IGSF11: variants seen among roughly 807,000 people sequenced by gnomAD.
IGSF11 encodes the protein CXADR like 1.
Under a neutral mutation model 41.0 loss-of-function variants are expected in IGSF11, and 22 were observed. That is an observed-to-expected ratio of 0.54 (90% CI 0.38 to 0.77). IGSF11 has a LOEUF of 0.77. IGSF11 is among the 30% of genes least tolerant of loss of function. The pLI, the probability that IGSF11 is intolerant of heterozygous loss-of-function variation, is 0.00. For synonymous variants in IGSF11, 219 were observed against 201.3 expected (o/e 1.09, Z -0.74); for missense variants, 444 against 530.8 (o/e 0.84, Z 1.61).
chr3:118,990,292 T>C (rs894147601), intron 1 of IGSF11, among the ~76,000 whole-genome samples: 1 of 152,194 alleles, frequency 6.6e-6, no homozygotes, highest in Non-Finnish European at 1.5e-5. Context: ...TGAAATAACC[T>C]AGATGTGAAG....
intron 1 of IGSF11, among the ~76,000 whole-genome samples, chr3:118,960,822 C>T (rs995602089): frequency 2.6e-5 from 4 of 152,142 alleles, no homozygotes; most frequent in African/African-American, 9.7e-5. Context: ...AAACATTCAA[C>T]TGTATAAAGA....
chr3:119,031,930 GAA>G (rs1224419370), intron 1 of IGSF11, among the ~76,000 whole-genome samples: 1 of 152,036 alleles, frequency 6.6e-6, no homozygotes, highest in Non-Finnish European at 1.5e-5. Flanking sequence ...CTCAAATTCT[GAA>G]AAGTTATCTG....
intron 1 of IGSF11, among the ~76,000 whole-genome samples, chr3:118,941,408 T>G (rs1576432149): frequency 6.6e-6 from 1 of 152,116 alleles, no homozygotes; most frequent in Non-Finnish European, 1.5e-5. Flanking sequence ...ACAGGGAACT[T>G]AAAACCACAT....
chr3:119,014,512 C>G (rs1385586743), intron 1 of IGSF11, among the ~76,000 whole-genome samples: 1 of 152,018 alleles, frequency 6.6e-6, no homozygotes, highest in African/African-American at 2.4e-5. Flanking sequence ...CAGAAAGGCC[C>G]CAAGAAGAGA....
At chr3:119,111,703 T>C (rs963795357) in intron 1 of IGSF11, among the ~76,000 whole-genome samples, 6 of 152,262 alleles carry the variant, frequency 3.9e-5, no homozygotes, top group African/African-American at 1.4e-4. Context: ...TGCTCTGTTG[T>C]TTCCCCATCT....
At chr3:119,095,132 A>G (rs957774805) in intron 1 of IGSF11, among the ~76,000 whole-genome samples, 1 of 152,340 alleles carries the variant, frequency 6.6e-6, no homozygotes, top group African/African-American at 2.4e-5. Flanking sequence ...CAAAGTTGGT[A>G]TTTGAAAAAT....
At chr3:118,929,082 A>ACACCT in intron 2 of IGSF11, among the ~76,000 whole-genome samples, 1 of 152,228 alleles carries the variant, frequency 6.6e-6, no homozygotes, top group Non-Finnish European at 1.5e-5. Context: ...TAGGTCACAC[A>ACACCT]ATGATAGATC....
At chr3:119,077,779 C>G (rs1261871441) in intron 1 of IGSF11, among the ~76,000 whole-genome samples, 1 of 152,094 alleles carries the variant, frequency 6.6e-6, no homozygotes, top group Non-Finnish European at 1.5e-5. Context: ...CCTAGAAAAC[C>G]CCATAGTCTC....
chr3:119,119,186 G>C (rs2077299249), intron 1 of IGSF11, among the ~76,000 whole-genome samples: 1 of 152,042 alleles, frequency 6.6e-6, no homozygotes, highest in African/African-American at 2.4e-5. Flanking sequence ...TACTGTATTA[G>C]TCCATTTTCA....
chr3:119,038,338 A>T (rs1256009135), upstream of IGSF11, among the ~76,000 whole-genome samples: 1 of 152,216 alleles, frequency 6.6e-6, no homozygotes, highest in Non-Finnish European at 1.5e-5. Flanking sequence ...TGTCTTTCTT[A>T]CATCTGTTTC....
chr3:119,044,550 T>C (rs1941244406), intron 1 of IGSF11, among the ~76,000 whole-genome samples: 1 of 152,248 alleles, frequency 6.6e-6, no homozygotes, highest in East Asian at 1.9e-4. Context: ...AAATATAAGA[T>C]GCTCAAGGAA....
At chr3:119,004,520 A>G (rs28817385) in intron 1 of IGSF11, among the ~76,000 whole-genome samples, 42,455 of 127,092 alleles carry the variant, frequency 0.33, 8,931 homozygotes, top group African/African-American at 0.63. Context: ...GAATGTGTTT[A>G]CTCTTGCTTT....
At chr3:119,019,546 C>T (rs1435837759) in intron 1 of IGSF11, among the ~76,000 whole-genome samples, 2 of 151,722 alleles carry the variant, frequency 1.3e-5, no homozygotes, top group Non-Finnish European at 2.9e-5. Flanking sequence ...TCCCCTTGTC[C>T]TGCTTTACTT....
At chr3:118,962,129 G>A (rs1180018519) in intron 1 of IGSF11, among the ~76,000 whole-genome samples, 1 of 152,196 alleles carries the variant, frequency 6.6e-6, no homozygotes, top group Admixed American at 6.5e-5. Context: ...GTGCTTAAAG[G>A]TTAGATTCTA....
intron 1 of IGSF11, among the ~76,000 whole-genome samples, chr3:119,024,396 G>A (rs1379621576): frequency 6.6e-6 from 1 of 152,090 alleles, no homozygotes; most frequent in African/African-American, 2.4e-5. Context: ...TTAATGACCT[G>A]AAAACAGATT....
intron 1 of IGSF11, among the ~76,000 whole-genome samples, chr3:119,127,573 G>A (rs886409321): frequency 2.0e-5 from 3 of 152,154 alleles, no homozygotes; most frequent in South Asian, 4.2e-4. Flanking sequence ...GATAGTCCAC[G>A]AGAAGATCAA....
At chr3:119,133,036 A>G (rs2107541343) in intron 1 of IGSF11, among the ~76,000 whole-genome samples, 1 of 152,334 alleles carries the variant, frequency 6.6e-6, no homozygotes, top group East Asian at 1.9e-4. Flanking sequence ...ACGACATAAC[A>G]TACCAGAATC....
intron 1 of IGSF11, chr3:118,948,233 T>C (rs1348626792): frequency 6.6e-6 from 1 of 152,194 alleles, no homozygotes; most frequent in Non-Finnish European, 1.5e-5. Context: ...TATTTTGTAT[T>C]GAAAATAAGA....
At chr3:118,940,138 A>C (rs962212371) in intron 1 of IGSF11, among the ~76,000 whole-genome samples, 1 of 152,212 alleles carries the variant, frequency 6.6e-6, no homozygotes, top group African/African-American at 2.4e-5. Context: ...GAACAAGGAG[A>C]GATGTCTGCT....
Sources: allele counts gnomAD v4.1 joint callset (sites outside exome capture counted in the v4.1 genomes callset), GRCh38; gene constraint gnomAD v4.1.1; transcripts MANE v1.5; gene names NCBI Gene and HGNC (gene_info 2026-07-23, HGNC 2026-07-21).